LTBP1: variants seen among roughly 807,000 people sequenced by gnomAD.
The protein encoded by LTBP1 is latent-transforming growth factor beta-binding protein 1.
LTBP1 carries 129 observed loss-of-function variants against 207.6 expected under a neutral mutation model. The observed-to-expected ratio is 0.62, with a 90% CI of 0.54 to 0.72. LTBP1 has a LOEUF of 0.72. LTBP1 is among the 30% of genes least tolerant of loss of function. The pLI, the probability that LTBP1 is intolerant of heterozygous loss-of-function variation, is 0.00. For synonymous variants in LTBP1, 963 were observed against 833.7 expected, an observed-to-expected ratio of 1.16 and a Z score of -2.67; for missense variants, 2,281 against 2,217.2, an observed-to-expected ratio of 1.03 and a Z score of -0.58.
At chr2:33,337,122 T>C (rs1260724129) in intron 24 of LTBP1, among the ~76,000 whole-genome samples, 1 of 152,258 alleles carries the variant, frequency 6.6e-6, no homozygotes, top group Admixed American at 6.5e-5. Flanking sequence ...TCACTTTACA[T>C]AAATGAGAAG....
chr2:33,381,988 A>G (rs1392189667), intron 31 of LTBP1, among the ~76,000 whole-genome samples: 1 of 147,330 alleles, frequency 6.8e-6, no homozygotes, highest in East Asian at 2.1e-4. Context: ...TCTGGTGCGT[A>G]GGAACTTAAT....
At chr2:33,103,245 A>G (rs943980174) in intron 3 of LTBP1, among the ~76,000 whole-genome samples, 1 of 150,134 alleles carries the variant, frequency 6.7e-6, no homozygotes, top group African/African-American at 2.5e-5. Flanking sequence ...CGCTGTCTGT[A>G]TGCAGTCTCT....
chr2:33,212,236 C>T (rs1391338016), intron 7 of LTBP1, among the ~76,000 whole-genome samples: 1 of 152,158 alleles, frequency 6.6e-6, no homozygotes, highest in African/African-American at 2.4e-5. Flanking sequence ...GGAATCATGA[C>T]CAGTGCACTG....
chr2:33,269,720 C>A (rs2093273054), intron 15 of LTBP1, among the ~76,000 whole-genome samples: 1 of 152,078 alleles, frequency 6.6e-6, no homozygotes, highest in African/African-American at 2.4e-5. Context: ...GGTTTGCATG[C>A]CGATGTGTGA....
chr2:33,085,302 A>G (rs2078684983), intron 3 of LTBP1, among the ~76,000 whole-genome samples: 1 of 152,182 alleles, frequency 6.6e-6, no homozygotes, highest in South Asian at 2.1e-4. Context: ...GCAATTTGTT[A>G]GAGCAGCCCT....
rs754291598 is a variant in LTBP1 at position 33,134,946 on chromosome 2, C to T, written c.1187C>T (p.Thr396Met). Reference sequence around the variant, plus strand: ...CATGCTGCCGACACCCTGACGGCCACGAACTTCCGAGTGGGTGAGTTCCTC... The same window carrying T: ...CATGCTGCCGACACCCTGACGGCCATGAACTTCCGAGTGGGTGAGTTCCTC... The part of the protein sequence containing the change: ...NGHAADTLTA[T>M]NFRVVICHLP... The change falls in exon 5 of 34, where the codon ACG becomes ATG. Residue 396 changes from threonine (T) to methionine (M), a missense_variant. Thr to Met is a moderately conservative substitution (Grantham distance 81). Coordinates refer to ENST00000404816, the MANE Select transcript of LTBP1 (RefSeq NM_206943.4). The surrounding 1 kb of genome is among the most constrained non-coding windows in gnomAD (Gnocchi z 4.4). The T allele has an allele frequency of 5.6e-6, 9 of 1,611,608 alleles. No homozygotes were observed. The highest frequency in any genetic ancestry group is 1.8e-4 in the Middle Eastern group (1 of 5,664).
chr2:33,146,996 C>T (rs1250557663), intron 5 of LTBP1, among the ~76,000 whole-genome samples: 5 of 152,110 alleles, frequency 3.3e-5, no homozygotes, highest in Non-Finnish European at 7.3e-5. Context: ...TAATGAAGCC[C>T]CTGGAAGGAG....
intron 7 of LTBP1, among the ~76,000 whole-genome samples, chr2:33,191,719 C>A (rs1228282918): frequency 6.6e-6 from 1 of 152,128 alleles, no homozygotes; most frequent in Non-Finnish European, 1.5e-5. Context: ...GGCAGATAAT[C>A]CAAAACAAAA....
intron 4 of LTBP1, among the ~76,000 whole-genome samples, chr2:33,123,233 C>T (rs1235384855): frequency 6.6e-6 from 1 of 152,192 alleles, no homozygotes; most frequent in African/African-American, 2.4e-5. Flanking sequence ...GTATTCATGT[C>T]TAAGCTTCCA....
intron 24 of LTBP1, among the ~76,000 whole-genome samples, chr2:33,330,911 T>C (rs76515431): frequency 0.047 from 7,204 of 151,970 alleles, 580 homozygotes; most frequent in African/African-American, 0.16. Flanking sequence ...GCCTATGCAT[T>C]ATAAACATTT....
At chr2:33,104,012 A>G (rs2079910294) in intron 3 of LTBP1, among the ~76,000 whole-genome samples, 1 of 152,012 alleles carries the variant, frequency 6.6e-6, no homozygotes, top group Non-Finnish European at 1.5e-5. Context: ...TCTGTGGGAA[A>G]CTTTTTGTGG....
chr2:33,222,918 A>G (rs928319027), intron 9 of LTBP1, among the ~76,000 whole-genome samples: 1 of 152,222 alleles, frequency 6.6e-6, no homozygotes, highest in African/African-American at 2.4e-5. Flanking sequence ...TTACATGTCT[A>G]GGATGAAGAT....
intron 3 of LTBP1, among the ~76,000 whole-genome samples, chr2:33,048,727 C>A (rs2076574577): frequency 6.6e-6 from 1 of 152,080 alleles, no homozygotes; most frequent in South Asian, 2.1e-4. Flanking sequence ...GCTGACTCTT[C>A]AGAGAGGATT....
chr2:33,143,737 A>T (rs1279333028), intron 5 of LTBP1, among the ~76,000 whole-genome samples: 1 of 151,588 alleles, frequency 6.6e-6, no homozygotes, highest in Non-Finnish European at 1.5e-5. Context: ...TCTTTTACGG[A>T]AGAACCTTAA....
intron 11 of LTBP1, 24 bp from the exon 12 acceptor site, chr2:33,257,260 A>T (rs769920530): frequency 2.0e-5 from 32 of 1,579,638 alleles, no homozygotes; most frequent in Non-Finnish European, 2.7e-5. Context: ...TTTTAAAAGG[A>T]ATATTTTCCC....
intron 4 of LTBP1, among the ~76,000 whole-genome samples, chr2:33,132,314 A>G (rs1468274605): frequency 1.3e-5 from 2 of 152,120 alleles, no homozygotes; most frequent in African/African-American, 4.8e-5. Flanking sequence ...TGAAATCAGG[A>G]TTCTGTTGTT....
At chr2:32,989,706 C>T (rs187033400) in intron 2 of LTBP1, among the ~76,000 whole-genome samples, 7 of 152,278 alleles carry the variant, frequency 4.6e-5, no homozygotes, top group African/African-American at 1.7e-4. Flanking sequence ...GACATGCCAT[C>T]ATCAAGGACT....
At chr2:33,252,246 GC>G (rs1397736873) in intron 10 of LTBP1, among the ~76,000 whole-genome samples, 1 of 152,204 alleles carries the variant, frequency 6.6e-6, no homozygotes, top group African/African-American at 2.4e-5. Context: ...TGCAGCATCA[GC>G]CATGTTCCTC....
At chr2:33,079,088 T>A (rs533407271) in intron 3 of LTBP1, among the ~76,000 whole-genome samples, 9 of 152,256 alleles carry the variant, frequency 5.9e-5, no homozygotes, top group African/African-American at 1.7e-4. Flanking sequence ...TATTTCTTTT[T>A]ATCCTGTTAA....
Sources: gnomAD v4.1 joint callset for allele counts (sites outside exome capture counted in the v4.1 genomes callset) on GRCh38, gnomAD v4.1.1 for gene constraint, Gnocchi (gnomAD v3.1) non-coding constraint, MANE v1.5 for transcripts, NCBI Gene and HGNC (gene_info 2026-07-23, HGNC 2026-07-21) for gene names.